GNAQ: variants seen among roughly 807,000 people sequenced by gnomAD.
GNAQ encodes G protein subunit alpha q.
In GNAQ, 8 loss-of-function variants were observed where a neutral mutation model predicts 43.9. That is an observed-to-expected ratio of 0.18 (90% CI 0.11 to 0.33). The LOEUF (loss-of-function observed/expected upper bound fraction) is 0.33, where lower values mean the gene tolerates loss of function less well. GNAQ is among the 10% of genes least tolerant of loss of function. The pLI is 1.00. For missense variants in GNAQ, 158 were observed against 450.8 expected, an observed-to-expected ratio of 0.35 and a Z score of 5.88; for synonymous variants, 155 against 170.7, an observed-to-expected ratio of 0.91 and a Z score of 0.71.
chr9:77,750,820 T>C (rs1472102889), intron 5 of GNAQ, among the ~76,000 whole-genome samples: 1 of 152,102 alleles, frequency 6.6e-6, no homozygotes, highest in Non-Finnish European at 1.5e-5. Flanking sequence ...ATCATACTTA[T>C]TTCTATACAC....
rs1180817751 is a variant in GNAQ at position 77,910,108 on chromosome 9, G to C, written c.321+12053C>G. 2.6e-5 allele frequency among the ~76,000 whole-genome samples: 4 copies of C among 152,128 alleles called. No homozygotes were observed. In the East Asian group the frequency reaches 7.7e-4, roughly 29 times the overall value. Reference sequence around the variant, plus strand: ...TTCCTGAGAAGCAACAAGTTTTTAGGTTTTGATACATGCTATTAAAATGAA... The same window carrying C: ...TTCCTGAGAAGCAACAAGTTTTTAGCTTTTGATACATGCTATTAAAATGAA... On this transcript the variant is annotated intron_variant, in intron 2 of 6. Coordinates refer to ENST00000286548, the MANE Select transcript of GNAQ (RefSeq NM_002072.5).
At chr9:77,737,738 G>T (rs952815291) in intron 5 of GNAQ, among the ~76,000 whole-genome samples, 1 of 152,160 alleles carries the variant, frequency 6.6e-6, no homozygotes, top group Admixed American at 6.5e-5. Context: ...ATAGTAAGTG[G>T]CTACTTGAAT....
At chr9:77,727,343 C>T (rs1033697666) in intron 6 of GNAQ, among the ~76,000 whole-genome samples, 1 of 152,112 alleles carries the variant, frequency 6.6e-6, no homozygotes. Context: ...GGGCAGCAGT[C>T]GTGACTCTCA....
intron 2 of GNAQ, among the ~76,000 whole-genome samples, chr9:77,896,845 G>C (rs1025170639): frequency 6.6e-6 from 1 of 152,186 alleles, no homozygotes; most frequent in African/African-American, 2.4e-5. Flanking sequence ...GAACATAGTG[G>C]ATCTGGCTGA....
chr9:77,810,909 A>C (rs1311688677), intron 3 of GNAQ, among the ~76,000 whole-genome samples: 1 of 152,186 alleles, frequency 6.6e-6, no homozygotes, highest in Non-Finnish European at 1.5e-5. Context: ...GCTTTCAGAA[A>C]GGGTGACTCT....
chr9:77,938,745 A>G (rs1409231665), intron 1 of GNAQ, among the ~76,000 whole-genome samples: 1 of 152,212 alleles, frequency 6.6e-6, no homozygotes, highest in African/African-American at 2.4e-5. Flanking sequence ...TGAAGCTGAT[A>G]GGCCACTTTT....
intron 5 of GNAQ, among the ~76,000 whole-genome samples, chr9:77,744,404 T>G (rs1825699460): frequency 6.6e-6 from 1 of 152,184 alleles, no homozygotes; most frequent in African/African-American, 2.4e-5. Flanking sequence ...CCCAACCCCT[T>G]TTTCCTGGGC....
chr9:77,966,009 GC>G (rs886539775), intron 1 of GNAQ, among the ~76,000 whole-genome samples: 6 of 152,070 alleles, frequency 3.9e-5, no homozygotes, highest in African/African-American at 1.4e-4. Flanking sequence ...GCAAAAAGGA[GC>G]GAACTATTGA....
intron 2 of GNAQ, among the ~76,000 whole-genome samples, chr9:77,849,802 G>C (rs1827644440): frequency 6.6e-6 from 1 of 152,118 alleles, no homozygotes; most frequent in Non-Finnish European, 1.5e-5. Context: ...GAGTGGCTGG[G>C]GACTACAGGT....
chr9:77,738,715 G>GA (rs1326871433), intron 5 of GNAQ, among the ~76,000 whole-genome samples: 1 of 151,998 alleles, frequency 6.6e-6, no homozygotes, highest in Admixed American at 6.5e-5. Flanking sequence ...TAATGCAACT[G>GA]AAAAAATGAG....
intron 1 of GNAQ, among the ~76,000 whole-genome samples, chr9:77,953,888 G>T (rs1823011702): frequency 6.6e-6 from 1 of 152,050 alleles, no homozygotes; most frequent in Admixed American, 6.6e-5. Flanking sequence ...AGACAATTTG[G>T]CCCCTAAAAT....
rs555588390 is a variant in GNAQ, at chr9:77,717,692, T to C, written c.*3631A>G. ...ACAAAAAAGTAAATTGCCCTTTAGC[T>C]GAATTACCTTTTTAAAATAGGCCTG... On this transcript the variant is annotated 3_prime_UTR_variant, in exon 7 of 7. Coordinates refer to ENST00000286548, the MANE Select transcript of GNAQ (RefSeq NM_002072.5). The C allele has an allele frequency of 8.6e-6, 2 of 232,194 alleles. No individual in the cohort carries two copies. Among genetic ancestry groups the C allele is most frequent in the East Asian group, 1.2e-4 (2 of 16,374 alleles). The allele number at this position is 232,194 out of a possible 1,614,324, so 14.4% of individuals were successfully genotyped here.
chr9:77,763,137 CAAACAAAA>C (rs1826079233), intron 5 of GNAQ, among the ~76,000 whole-genome samples: 1 of 126,426 alleles, frequency 7.9e-6, no homozygotes, highest in African/African-American at 3.2e-5. Context: ...AACAAACAAA[CAAACAAAA>C]AAAAAAAAAA....
intron 3 of GNAQ, among the ~76,000 whole-genome samples, chr9:77,804,268 A>G (rs192129151): frequency 6.4e-4 from 97 of 152,354 alleles, no homozygotes; most frequent in African/African-American, 2.3e-3. Flanking sequence ...CACAGAAATT[A>G]AAAATTCAAG....
At chr9:77,923,960 C>T (rs1307645182) in intron 1 of GNAQ, among the ~76,000 whole-genome samples, 1 of 152,162 alleles carries the variant, frequency 6.6e-6, no homozygotes, top group East Asian at 1.9e-4. Context: ...TTAAGTATTA[C>T]AGTTTTCATA....
chr9:77,872,781 C>T (rs925971218), intron 2 of GNAQ, among the ~76,000 whole-genome samples: 2 of 152,150 alleles, frequency 1.3e-5, no homozygotes, highest in Admixed American at 6.5e-5. Flanking sequence ...ATACCAGCCT[C>T]TTTAGGGATA....
chr9:77,852,709 C>T (rs1429252699), intron 2 of GNAQ, among the ~76,000 whole-genome samples: 2 of 152,234 alleles, frequency 1.3e-5, no homozygotes, highest in African/African-American at 2.4e-5. Flanking sequence ...TCCTTTGACA[C>T]ATATCACCTT....
intron 2 of GNAQ, among the ~76,000 whole-genome samples, chr9:77,864,492 G>A (rs1827916591): frequency 6.6e-6 from 1 of 152,194 alleles, no homozygotes; most frequent in African/African-American, 2.4e-5. Context: ...AATCACAAGT[G>A]TCCTTAAAGT....
chr9:77,754,008 G>C (rs1825858844), intron 5 of GNAQ, among the ~76,000 whole-genome samples: 1 of 152,176 alleles, frequency 6.6e-6, no homozygotes, highest in South Asian at 2.1e-4. Flanking sequence ...TCTTTTCCCT[G>C]TAAGCTTTGA....
Sources: gnomAD v4.1 joint callset for allele counts (sites outside exome capture counted in the v4.1 genomes callset) on GRCh38, gnomAD v4.1.1 for gene constraint, MANE v1.5 for transcripts, NCBI Gene and HGNC (gene_info 2026-07-23, HGNC 2026-07-21) for gene names.